GPR158: variants seen among roughly 807,000 people sequenced by gnomAD.
The protein encoded by GPR158 is metabotropic glycine receptor.
In GPR158, 30 loss-of-function variants were observed where a neutral mutation model predicts 78.2. The ratio of observed to expected loss-of-function variants is 0.38; its 90% confidence interval spans 0.29 to 0.52. The LOEUF (loss-of-function observed/expected upper bound fraction) is 0.52. Ranked by LOEUF, GPR158 falls within the 20% of genes least tolerant of loss-of-function variation. The probability of loss-of-function intolerance (pLI) is 0.83; values close to 1 mark genes in which losing one functional copy is unlikely to be tolerated. For missense variants in GPR158, 1,463 were observed against 1,523.5 expected (o/e 0.96, Z 0.66); for synonymous variants, 581 against 591.1 (o/e 0.98, Z 0.25).
chr10:25,337,201 A>C (rs114575181), intron 2 of GPR158, among the ~76,000 whole-genome samples: 1,790 of 152,186 alleles, frequency 0.012, 47 homozygotes, highest in African/African-American at 0.041. Context: ...AACCTGCATC[A>C]ATCTTAATTG....
chr10:25,289,531 C>A (rs983715444), intron 2 of GPR158, among the ~76,000 whole-genome samples: 3 of 152,056 alleles, frequency 2.0e-5, no homozygotes, highest in Admixed American at 1.3e-4. Flanking sequence ...CTCCTGGGTT[C>A]ACCCCATTCT....
chr10:25,336,311 G>A (rs1183527679), intron 2 of GPR158, among the ~76,000 whole-genome samples: 4 of 151,952 alleles, frequency 2.6e-5, no homozygotes, highest in Admixed American at 6.6e-5. Context: ...AAAATTAATA[G>A]CATGACAAAT....
In GPR158 at chr10:25,372,369, A is replaced by C. The variant is rs578109764; in HGVS notation, c.1009-23542A>C. Among the ~76,000 whole-genome samples, 35 of 151,582 alleles carry C rather than the reference A, an allele frequency of 2.3e-4. No individual in the cohort carries two copies. The South Asian group carries it at 3.8e-3, about 16-fold the overall frequency. ...CATCCCATTACTGGGTATATACCCA[A>C]AGGGCTGTAAATCATGCTGCTATAA... On this transcript the variant is annotated intron_variant, in intron 2 of 10. Coordinates refer to ENST00000376351, the MANE Select transcript of GPR158 (RefSeq NM_020752.3).
At chr10:25,544,119 A>G (rs937108896) in intron 5 of GPR158, among the ~76,000 whole-genome samples, 1 of 152,166 alleles carries the variant, frequency 6.6e-6, no homozygotes, top group Non-Finnish European at 1.5e-5. Context: ...TACAACGCCT[A>G]TACTTTATAT....
rs576891091 is a variant in GPR158 at position 25,212,486 on chromosome 10, AT to A, written c.903-8563del. 6.7e-3 allele frequency among the ~76,000 whole-genome samples: 1,015 copies of A among 152,224 alleles called. 7 individuals carry two copies. The highest frequency in any genetic ancestry group is 8.9e-3 in the Non-Finnish European group (602 of 68,008). ...ATTGGGGATTACAATTCGACATGAG[AT>A]TTAGGCGGGAACACAGATCCAAACC... On this transcript the variant is annotated intron_variant, in intron 1 of 10. Transcript: ENST00000376351.
At chr10:25,437,760 G>A (rs1202177955) in intron 4 of GPR158, among the ~76,000 whole-genome samples, 1 of 152,144 alleles carries the variant, frequency 6.6e-6, no homozygotes, top group East Asian at 1.9e-4. Context: ...GCTCAAGAAG[G>A]ATTGGAGATG....
At chr10:25,309,407 T>C (rs193088165) in intron 2 of GPR158, among the ~76,000 whole-genome samples, 2 of 152,302 alleles carry the variant, frequency 1.3e-5, no homozygotes, top group Non-Finnish European at 2.9e-5. Context: ...TCAGTTTTTT[T>C]TCCATTGTTA....
intron 2 of GPR158, among the ~76,000 whole-genome samples, chr10:25,266,643 G>A (rs941809296): frequency 2.7e-5 from 4 of 150,754 alleles, no homozygotes; most frequent in African/African-American, 9.7e-5. Flanking sequence ...CTTTTTTTTT[G>A]TGCTGTAGAA....
At chr10:25,543,129 T>TA (rs201411699) in intron 5 of GPR158, among the ~76,000 whole-genome samples, 19 of 141,362 alleles carry the variant, frequency 1.3e-4, no homozygotes, top group African/African-American at 4.9e-4. Flanking sequence ...TATTTTTATT[T>TA]TTATTTTTTG....
intron 1 of GPR158, among the ~76,000 whole-genome samples, chr10:25,220,823 A>G (rs1853289842): frequency 6.6e-6 from 1 of 152,186 alleles, no homozygotes; most frequent in Non-Finnish European, 1.5e-5. Context: ...ACCAGGCATT[A>G]TATAAGGAAG....
chr10:25,365,809 C>T (rs556701751), intron 2 of GPR158, among the ~76,000 whole-genome samples: 3 of 151,710 alleles, frequency 2.0e-5, no homozygotes, highest in African/African-American at 7.2e-5. Flanking sequence ...TGAATTGTCA[C>T]AAAGAGAACG....
chr10:25,400,027 A>C (rs1194806957), intron 3 of GPR158, among the ~76,000 whole-genome samples: 1 of 152,196 alleles, frequency 6.6e-6, no homozygotes, highest in Non-Finnish European at 1.5e-5. Context: ...TACACAGTTA[A>C]ATAATTGAAT....
At chr10:25,526,103 TAAAAA>T (rs4017850) in intron 5 of GPR158, among the ~76,000 whole-genome samples, 132 of 69,202 alleles carry the variant, frequency 1.9e-3, no homozygotes, top group African/African-American at 5.7e-3. Flanking sequence ...CAATTTTGTC[TAAAAA>T]AAAAAAAAAA....
intron 7 of GPR158, among the ~76,000 whole-genome samples, chr10:25,585,942 A>G (rs932835330): frequency 3.3e-5 from 5 of 152,126 alleles, no homozygotes; most frequent in Non-Finnish European, 7.4e-5. Flanking sequence ...TCGTGCCACA[A>G]CACTCCAGCC....
chr10:25,549,047 A>T (rs890856934), intron 5 of GPR158, among the ~76,000 whole-genome samples: 1 of 152,200 alleles, frequency 6.6e-6, no homozygotes, highest in Non-Finnish European at 1.5e-5. Flanking sequence ...AGCGTGGTGG[A>T]TAATGAAAAG....
chr10:25,335,289 G>T (rs73608277), intron 2 of GPR158, among the ~76,000 whole-genome samples: 1 of 152,032 alleles, frequency 6.6e-6, no homozygotes, highest in African/African-American at 2.4e-5. Context: ...CTGCATTCTT[G>T]CTATTAATAT....
In GPR158 at chr10:25,466,690, CT is replaced by C; in HGVS notation, c.1380del (p.Phe460LeufsTer25). The C allele has an allele frequency of 6.2e-7, 1 of 1,605,466 alleles. No individual in the cohort carries two copies. Among genetic ancestry groups the C allele is most frequent in the Non-Finnish European group, 8.5e-7 (1 of 1,174,870 alleles). ...ASGLILLETILFGSLLLYFPV... is the reference protein window; with the variant it reads ...ASGLILLETIXFGSLLLYFPV... The stretch of plus-strand genomic sequence containing the variant: ...GGGCCTTATCCTGTTGGAAACGATC[CT>C]TTTTGGATCTCTGCTCCTATACTTT... On this transcript the variant is annotated frameshift_variant, in exon 5 of 11. Transcript: ENST00000376351. LOFTEE classifies it high-confidence loss of function.
chr10:25,331,279 A>G (rs1456534067), intron 2 of GPR158, among the ~76,000 whole-genome samples: 2 of 152,194 alleles, frequency 1.3e-5, no homozygotes, highest in Non-Finnish European at 2.9e-5. Context: ...AATACTTTCT[A>G]TCTACTGAGT....
chr10:25,223,817 G>A (rs1034958018), intron 2 of GPR158, among the ~76,000 whole-genome samples: 2 of 152,088 alleles, frequency 1.3e-5, no homozygotes, highest in African/African-American at 4.8e-5. Flanking sequence ...GGTTTACAGT[G>A]GGTTTTATCT....
Sources: gnomAD v4.1 joint callset for allele counts (sites outside exome capture counted in the v4.1 genomes callset) on GRCh38, gnomAD v4.1.1 for gene constraint, MANE v1.5 for transcripts, NCBI Gene and HGNC (gene_info 2026-07-23, HGNC 2026-07-21) for gene names.